The following PRKCE variants were observed in gnomAD, a reference collection of about 807,000 sequenced individuals.
The protein encoded by PRKCE is protein kinase C epsilon.
PRKCE carries 16 observed loss-of-function variants against 85.4 expected under a neutral mutation model. That is an observed-to-expected ratio of 0.19 (90% confidence interval 0.13 to 0.28). The LOEUF (loss-of-function observed/expected upper bound fraction) is 0.28, where lower values mean the gene tolerates loss of function less well. Ranked by LOEUF, PRKCE falls within the 10% of genes least tolerant of loss-of-function variation. PRKCE has a pLI of 1.00. For missense variants in PRKCE, 573 were observed against 975.2 expected (o/e 0.59, Z 5.49); for synonymous variants, 388 against 371.5 (o/e 1.04, Z -0.51).
At chr2:45,743,994 GTTT>G (rs35173223) in intron 1 of PRKCE, among the ~76,000 whole-genome samples, 1 of 131,884 alleles carries the variant, frequency 7.6e-6, no homozygotes, top group African/African-American at 3.4e-5. Context: ...GCCGTTGTGT[GTTT>G]TTTTTTTTTT....
chr2:46,121,122 C>T lies in PRKCE; in HGVS notation c.1593-23971C>T, dbSNP rs1276358615. ...TGAGATAAATTGTGTTTCAACCAAA[C>T]CAAACTTTTTAAAATGTCACTTTAC... On this transcript the variant is annotated intron_variant, in intron 11 of 14. Transcript: ENST00000306156. Among the ~76,000 whole-genome samples, 8 of 152,202 alleles carry T rather than the reference C, an allele frequency of 5.3e-5. No homozygotes were observed. The East Asian group carries it at 1.5e-3, about 29-fold the overall frequency.
rs1686477564 is a variant in PRKCE, at chr2:45,784,933, A to G, written c.349-58067A>G. Among the ~76,000 whole-genome samples, 4 of 152,322 alleles carry G rather than the reference A, an allele frequency of 2.6e-5. No homozygotes were observed. The South Asian group carries it at 8.3e-4, about 32-fold the overall frequency. On this transcript the variant is annotated intron_variant, in intron 1 of 14. Coordinates refer to ENST00000306156, the MANE Select transcript of PRKCE (RefSeq NM_005400.3). ...GCAAACTGTACACTTAAGATCTGGTACTATACCTCAAAAATATAAAGGTAT... is the reference window on the plus strand; with the variant it reads ...GCAAACTGTACACTTAAGATCTGGTGCTATACCTCAAAAATATAAAGGTAT...
chr2:46,149,729 TTATATATATGTATTTA>T (rs1283314968), intron 12 of PRKCE, among the ~76,000 whole-genome samples: 1 of 145,726 alleles, frequency 6.9e-6, no homozygotes, highest in Non-Finnish European at 1.5e-5. Context: ...ATATATGTAT[TTATATATATGTATTTA>T]TATATATATG....
chr2:45,965,502 G>T (rs1183325839), intron 2 of PRKCE, among the ~76,000 whole-genome samples: 1 of 152,210 alleles, frequency 6.6e-6, no homozygotes, highest in Non-Finnish European at 1.5e-5. Context: ...GAGAGGTAAA[G>T]TTTGCACCCT....
At chr2:45,750,527 G>A (rs908394612) in intron 1 of PRKCE, among the ~76,000 whole-genome samples, 2 of 152,218 alleles carry the variant, frequency 1.3e-5, no homozygotes, top group Admixed American at 1.3e-4. Flanking sequence ...TGGGATCAGA[G>A]AGACTGCACC....
intron 1 of PRKCE, among the ~76,000 whole-genome samples, chr2:45,706,532 C>A (rs1320545889): frequency 6.6e-6 from 1 of 152,152 alleles, no homozygotes; most frequent in Non-Finnish European, 1.5e-5. Flanking sequence ...TGGGCTCTAC[C>A]CTTGCAGGAG....
intron 1 of PRKCE, among the ~76,000 whole-genome samples, chr2:45,678,580 G>A (rs1190397675): frequency 6.9e-6 from 1 of 145,160 alleles, no homozygotes; most frequent in Non-Finnish European, 1.5e-5. Flanking sequence ...ACATTTTATA[G>A]ATAAGAGGTT....
intron 1 of PRKCE, chr2:45,675,242 C>G (rs951395048): frequency 6.6e-6 from 1 of 152,218 alleles, no homozygotes; most frequent in African/African-American, 2.4e-5. Flanking sequence ...AAAACGTTTC[C>G]CCAGACCAGG....
At chr2:46,122,645 C>G (rs572524134) in intron 11 of PRKCE, among the ~76,000 whole-genome samples, 14 of 152,222 alleles carry the variant, frequency 9.2e-5, no homozygotes, top group African/African-American at 3.1e-4. Context: ...AAGTTCCTCG[C>G]TTTTATGAAG....
chr2:46,009,965 A>G (rs982266230), intron 9 of PRKCE, among the ~76,000 whole-genome samples: 6 of 152,266 alleles, frequency 3.9e-5, no homozygotes, highest in African/African-American at 1.2e-4. Context: ...CATTCAACAG[A>G]TGTGCATTGA....
intron 2 of PRKCE, among the ~76,000 whole-genome samples, chr2:45,859,014 C>G (rs963699466): frequency 5.3e-5 from 8 of 151,058 alleles, no homozygotes; most frequent in Non-Finnish European, 8.8e-5. Flanking sequence ...GTATTCCAGC[C>G]TGGGCAACAG....
intron 1 of PRKCE, among the ~76,000 whole-genome samples, chr2:45,772,002 C>A (rs1045033853): frequency 6.6e-6 from 1 of 152,160 alleles, no homozygotes; most frequent in Admixed American, 6.5e-5. Context: ...AGGGCAACCC[C>A]TTCTCATATC....
intron 4 of PRKCE, 84 bp downstream of exon 4, chr2:45,979,094 CTGA>C: frequency 3.0e-6 from 4 of 1,327,348 alleles, no homozygotes; most frequent in Non-Finnish European, 4.2e-6. Flanking sequence ...GGTGCTCAGT[CTGA>C]TGACATTTGG....
chr2:45,795,661 C>T (rs553454779), intron 1 of PRKCE, among the ~76,000 whole-genome samples: 3 of 152,310 alleles, frequency 2.0e-5, no homozygotes, highest in African/African-American at 7.2e-5. Context: ...ACTGGATTCT[C>T]CACCTGGCCT....
At chr2:45,857,231 T>G (rs1265536549) in intron 2 of PRKCE, among the ~76,000 whole-genome samples, 1 of 152,210 alleles carries the variant, frequency 6.6e-6, no homozygotes, top group East Asian at 1.9e-4. Context: ...CTTCTGGAAG[T>G]CAAAGGAGTG....
intron 10 of PRKCE, among the ~76,000 whole-genome samples, chr2:46,066,621 C>A (rs527257347): frequency 6.6e-6 from 1 of 152,164 alleles, no homozygotes; most frequent in African/African-American, 2.4e-5. Flanking sequence ...CTGTATATCT[C>A]GTAAATTTTC....
At chr2:46,078,964 G>A (rs1169674566) in intron 10 of PRKCE, 3 of 152,168 alleles carry the variant, frequency 2.0e-5, no homozygotes, top group African/African-American at 4.8e-5. Flanking sequence ...GGATCACGAG[G>A]TCAGGAGATC....
chr2:45,945,774 A>G (rs1357689617), intron 2 of PRKCE, among the ~76,000 whole-genome samples: 3 of 152,254 alleles, frequency 2.0e-5, no homozygotes, highest in Non-Finnish European at 4.4e-5. Flanking sequence ...GAACACAGGC[A>G]TCTGGCAAAG....
At chr2:45,672,137 C>T (rs1414728141) in intron 1 of PRKCE, among the ~76,000 whole-genome samples, 1 of 151,888 alleles carries the variant, frequency 6.6e-6, no homozygotes, top group Non-Finnish European at 1.5e-5. Context: ...AAACAGGTTT[C>T]CTGATTCCTA....
Sources: allele counts gnomAD v4.1 joint callset (sites outside exome capture counted in the v4.1 genomes callset), GRCh38; gene constraint gnomAD v4.1.1; transcripts MANE v1.5; gene names NCBI Gene and HGNC (gene_info 2026-07-23, HGNC 2026-07-21).